UTP14A: variants seen among roughly 807,000 people sequenced by gnomAD.
UTP14A encodes the protein U3 small nucleolar RNA-associated protein 14 homolog A.
UTP14A carries 5 observed loss-of-function variants against 57.2 expected under a neutral mutation model. That is an observed-to-expected ratio of 0.09 (90% CI 0.05 to 0.18). The LOEUF (loss-of-function observed/expected upper bound fraction) is 0.18. UTP14A is among the 10% of genes least tolerant of loss of function. UTP14A has a pLI of 1.00. For synonymous variants in UTP14A, 169 were observed against 210.9 expected (o/e 0.80, Z 1.72); for missense variants, 430 against 562.1 (o/e 0.76, Z 2.38).
Position 129,912,500 on chromosome X carries a change from G to A in UTP14A, c.537+579G>A, listed in dbSNP as rs1162469612. Among the ~76,000 whole-genome samples the A allele has an allele frequency of 5.5e-5, 6 of 110,072 alleles. No homozygotes were observed. In the South Asian group the frequency reaches 1.1e-3, roughly 21 times the overall value. ...TTTGTGTTAAACCATGTGATTGCCC[G>A]TATAGCAGGAACATAATAATGTTTT... On this transcript the variant is annotated intron_variant, in intron 6 of 14. Coordinates refer to ENST00000394422, the MANE Select transcript of UTP14A (RefSeq NM_006649.4).
intron 6 of UTP14A, chrX:129,913,394 AG>A (rs1316575986): frequency 3.2e-5 from 11 of 341,425 alleles, no homozygotes; most frequent in Admixed American, 1.9e-4. Context: ...AAAAAATCAG[AG>A]GTAATACAAT....
In UTP14A at chrX:129,924,213, C is replaced by T. The variant is rs185051569; in HGVS notation, c.1349-582C>T. On this transcript the variant is annotated intron_variant, in intron 11 of 14. Transcript: ENST00000394422. ...TCTCGAACTCCTGGGCTCAAGCTAT[C>T]CTGCCCCCTTGGCCTCCCAAAGTGC... 1.3e-4 allele frequency among the ~76,000 whole-genome samples: 14 copies of T among 110,584 alleles called. No homozygotes were observed. In the East Asian group the frequency reaches 3.9e-3, roughly 31 times the overall value.
intron 14 of UTP14A, among the ~76,000 whole-genome samples, chrX:129,927,117 G>A (rs1004032440): frequency 9.0e-6 from 1 of 111,228 alleles, no homozygotes; most frequent in Non-Finnish European, 1.9e-5. Context: ...AGGATTCCAG[G>A]TGATGGGTAG....
chrX:129,913,691 C>T (rs1169334933), intron 6 of UTP14A, among the ~76,000 whole-genome samples: 2 of 112,293 alleles, frequency 1.8e-5, no homozygotes, highest in African/African-American at 3.2e-5. Flanking sequence ...TTATTAAAAA[C>T]GAGATGGGGC....
chrX:129,921,753 A>C, intron 11 of UTP14A, 166 bp downstream of exon 11: 1 of 543,872 alleles, frequency 1.8e-6, no homozygotes, highest in African/African-American at 2.3e-5. Flanking sequence ...ATTCATAACT[A>C]TTTTTCTTCG....
At chrX:129,922,479 G>A (rs1256320849) in intron 11 of UTP14A, 1 of 111,569 alleles carries the variant, frequency 9.0e-6, no homozygotes, top group Non-Finnish European at 1.9e-5. Flanking sequence ...CTGGAATACA[G>A]CAGTGCAATC....
Position 129,919,410 on chromosome X carries a change from G to A in UTP14A, c.673G>A (p.Ala225Thr). The change falls in exon 8 of 15, where the codon GCA becomes ACA. Residue 225 changes from alanine (A) to threonine (T), a missense_variant. Ala to Thr is a moderately conservative substitution (Grantham distance 58). Coordinates refer to ENST00000394422, the MANE Select transcript of UTP14A (RefSeq NM_006649.4). ...MSLEEAKMRRAELQRARALQS... is the reference protein window; with the variant it reads ...MSLEEAKMRRTELQRARALQS... ...TTTGTTGTAGGCAAAGATGCGACGA[G>A]CAGAGCTTCAGAGGGCTCGGGCTCT... 8.3e-7 allele frequency: 1 copy of A among 1,212,084 alleles called. No individual in the cohort carries two copies. The highest frequency in any genetic ancestry group is 1.1e-6 in the Non-Finnish European group (1 of 895,585).
At chrX:129,909,877 G>A (rs1311833209) in intron 4 of UTP14A, among the ~76,000 whole-genome samples, 7 of 112,048 alleles carry the variant, frequency 6.2e-5, no homozygotes, top group Admixed American at 9.5e-5. Context: ...TATTCCAAGC[G>A]TACTTATTCA....
chrX:129,917,450 G>A (rs1462035839), intron 6 of UTP14A, among the ~76,000 whole-genome samples: 4 of 111,956 alleles, frequency 3.6e-5, no homozygotes, highest in Non-Finnish European at 7.5e-5. Context: ...AACTAGCTCT[G>A]TTGCCTAGGG....
At position 129,919,375 on chromosome X, in the gene UTP14A, G is replaced by A. The variant is rs1569338806; in HGVS notation, c.658-20G>A. ...TTTGTCCTCTGGCCCAGGTGTCACT[G>A]TAAGTCTCATTTGTTGTAGGCAAAG... On this transcript the variant is annotated intron_variant, in intron 7 of 14. Coordinates refer to ENST00000394422, the MANE Select transcript of UTP14A (RefSeq NM_006649.4). 3.3e-6 allele frequency: 4 copies of A among 1,211,616 alleles called. No individual in the cohort carries two copies. Among genetic ancestry groups the A allele is most frequent in the Non-Finnish European group, 4.5e-6 (4 of 895,416 alleles).
Position 129,926,331 on chromosome X carries a change from G to A in UTP14A, c.2035G>A (p.Ala679Thr). Residue 679 changes from alanine to threonine, a missense_variant, in exon 14 of 15, where the codon GCT becomes ACT. Transcript: ENST00000394422. The part of the protein sequence containing the change: ...INEKRNIHAA[A>T]HQVRVLPYPF... ...TGAGAAGCGCAACATCCACGCAGCTGCTCATCAGGTGAGAGCTTAGAGAGC... is the reference window on the plus strand; with the variant it reads ...TGAGAAGCGCAACATCCACGCAGCTACTCATCAGGTGAGAGCTTAGAGAGC... 8.3e-7 allele frequency: 1 copy of A among 1,210,522 alleles called. No homozygotes were observed. The highest frequency in any genetic ancestry group is 1.1e-6 in the Non-Finnish European group (1 of 894,191).
rs1929902703 is a variant in UTP14A, at chrX:129,921,319, T to C, written c.1080T>C (p.Asp360=). The change falls in exon 11 of 15, where the codon GAT becomes GAC. Residue 360 remains aspartate, a synonymous_variant. Transcript: ENST00000394422. The part of the protein sequence containing the change: ...TEDVEELLVP[D]VVNEVQMNAD... ...ATGTGGAAGAACTCCTTGTCCCTGA[T>C]GTAGTGAATGAAGTGCAGATGAATG... is the stretch of plus-strand genomic sequence containing the variant. 1 of 1,209,313 alleles carries C rather than the reference T, an allele frequency of 8.3e-7. No individual in the cohort carries two copies. The highest frequency in any genetic ancestry group is 1.1e-6 in the Non-Finnish European group (1 of 895,123).
intron 8 of UTP14A, among the ~76,000 whole-genome samples, chrX:129,919,906 T>A (rs1371156527): frequency 9.0e-6 from 1 of 111,234 alleles, no homozygotes; most frequent in Admixed American, 9.6e-5. Flanking sequence ...ATGGCAAAAC[T>A]GGCTGGGCAC....
intron 5 of UTP14A, among the ~76,000 whole-genome samples, chrX:129,911,361 T>C (rs1283617038): frequency 9.1e-6 from 1 of 110,312 alleles, no homozygotes; most frequent in Non-Finnish European, 1.9e-5. Flanking sequence ...GGTAGGCGGA[T>C]CACCTGAGGT....
chrX:129,906,426 C>T (rs1369406384), intron 1 of UTP14A, among the ~76,000 whole-genome samples, 190 bp downstream of exon 1: 1 of 112,124 alleles, frequency 8.9e-6, no homozygotes, highest in Non-Finnish European at 1.9e-5. Flanking sequence ...TACTCCGCTC[C>T]TCAGCTGTAT....
Position 129,923,963 on chromosome X carries a change from C to CT in UTP14A, c.1349-817dup, listed in dbSNP as rs764398386. 4.8e-3 allele frequency among the ~76,000 whole-genome samples: 486 copies of CT among 101,464 alleles called. 3 individuals carry two copies. Among genetic ancestry groups the CT allele is most frequent in the Non-Finnish European group, 6.2e-3 (304 of 49,327 alleles). 88.1% of individuals were successfully genotyped at this position (101,464 alleles called of 115,157 possible). On this transcript the variant is annotated intron_variant, in intron 11 of 14. Coordinates refer to ENST00000394422, the MANE Select transcript of UTP14A (RefSeq NM_006649.4). ...CAGGACGTCTGCTTCCAATATGCTACTTTTTTTTTTTTTTTGAGACGTCTT... is the reference window on the plus strand; with the variant it reads ...CAGGACGTCTGCTTCCAATATGCTACTTTTTTTTTTTTTTTTGAGACGTCTT...
In UTP14A at chrX:129,908,690, C is replaced by T. The variant is rs201224415; in HGVS notation, c.194C>T (p.Ser65Phe). The change falls in exon 4 of 15, where the codon TCT becomes TTT. Residue 65 changes from serine to phenylalanine, a missense_variant. Coordinates refer to ENST00000394422, the MANE Select transcript of UTP14A (RefSeq NM_006649.4). The stretch of plus-strand genomic sequence containing the variant: ...TTCAGGCGGAAATTGGCTGAGAGGT[C>T]TGAGGCTAGTCTGAAGGTGTCAGAG... Reference protein sequence around the residue: ...GKNRRKLAERSEASLKVSEFN... With the variant: ...GKNRRKLAERFEASLKVSEFN... 7.4e-6 allele frequency: 9 copies of T among 1,211,520 alleles called. No individual in the cohort carries two copies. The highest frequency in any genetic ancestry group is 8.9e-6 in the Non-Finnish European group (8 of 895,288).
At chrX:129,910,424 C>T (rs1234046051) in intron 4 of UTP14A, among the ~76,000 whole-genome samples, 1 of 111,587 alleles carries the variant, frequency 9.0e-6, no homozygotes, top group East Asian at 2.8e-4. Flanking sequence ...TGGTTTACAC[C>T]TGTAATCTCC....
At position 129,908,173 on chromosome X, in the gene UTP14A, G is replaced by A. The variant is rs764745939; in HGVS notation, c.173+43G>A. 9.3e-6 allele frequency: 10 copies of A among 1,080,274 alleles called. No individual in the cohort carries two copies. The South Asian group carries it at 1.2e-4, about 13-fold the overall frequency. 89.0% of individuals were successfully genotyped at this position (1,080,274 alleles called of 1,213,427 possible). On this transcript the variant is annotated intron_variant, in intron 3 of 14. Coordinates refer to ENST00000394422, the MANE Select transcript of UTP14A (RefSeq NM_006649.4). ...TAGGGCAGGTTATATAGTCAATTCC[G>A]TGAGATTTCTCTGCAGCTAATATTT...
Sources: allele counts gnomAD v4.1 joint callset (sites outside exome capture counted in the v4.1 genomes callset), GRCh38; gene constraint gnomAD v4.1.1; transcripts MANE v1.5; gene names NCBI Gene and HGNC (gene_info 2026-07-23, HGNC 2026-07-21).